MTHFD2L: variants seen among roughly 807,000 people sequenced by gnomAD.
The protein encoded by MTHFD2L is bifunctional methylenetetrahydrofolate dehydrogenase/cyclohydrolase 2, mitochondrial.
A neutral mutation model predicts 34.9 loss-of-function variants in MTHFD2L; 29 were observed. That is an observed-to-expected ratio of 0.83 (90% CI 0.62 to 1.13). The LOEUF (loss-of-function observed/expected upper bound fraction) is 1.13, where lower values mean the gene tolerates loss of function less well. MTHFD2L is among the 50% of genes most tolerant of loss of function. The pLI is 0.00. For missense variants in MTHFD2L, 481 were observed against 446.5 expected, an observed-to-expected ratio of 1.08 and a Z score of -0.70; for synonymous variants, 167 against 155.7, an observed-to-expected ratio of 1.07 and a Z score of -0.54.
At chr4:74,179,939 A>G (rs559864260) in intron 3 of MTHFD2L, among the ~76,000 whole-genome samples, 1 of 152,148 alleles carries the variant, frequency 6.6e-6, no homozygotes, top group African/African-American at 2.4e-5. Flanking sequence ...CCAGTCTTCA[A>G]AGTCGCCTTG....
intron 6 of MTHFD2L, among the ~76,000 whole-genome samples, chr4:74,271,959 G>A (rs1746052819): frequency 6.6e-6 from 1 of 152,034 alleles, no homozygotes. Context: ...AGGGTATTAT[G>A]TAAGTTCAGA....
chr4:74,267,514 G>A (rs778175622), intron 6 of MTHFD2L, among the ~76,000 whole-genome samples: 3 of 151,928 alleles, frequency 2.0e-5, no homozygotes, highest in Admixed American at 2.0e-4. Flanking sequence ...GCCCACCCGG[G>A]CTTAAGCAAT....
intron 1 of MTHFD2L, among the ~76,000 whole-genome samples, chr4:74,130,733 C>A (rs561519836): frequency 6.6e-6 from 1 of 152,206 alleles, no homozygotes; most frequent in East Asian, 1.9e-4. Context: ...GAAGTTCTGG[C>A]CAGGGCAATC....
chr4:74,172,226 A>T (rs947607370), intron 1 of MTHFD2L, among the ~76,000 whole-genome samples: 2 of 152,190 alleles, frequency 1.3e-5, no homozygotes, highest in African/African-American at 4.8e-5. Flanking sequence ...GCACCTGGAA[A>T]GTTTTGGGAA....
intron 7 of MTHFD2L, chr4:74,293,558 T>C: frequency 1.0e-6 from 1 of 977,600 alleles, no homozygotes. Flanking sequence ...AGCAACCAGA[T>C]GAATGTAAGA....
intron 2 of MTHFD2L, among the ~76,000 whole-genome samples, chr4:74,115,171 A>G (rs1481041118): frequency 2.0e-5 from 3 of 152,372 alleles, no homozygotes; most frequent in Middle Eastern, 3.4e-3. Context: ...TCAAATATCT[A>G]TCTGGTATAA....
chr4:74,204,388 C>A (rs981680110), intron 5 of MTHFD2L, among the ~76,000 whole-genome samples: 1 of 152,086 alleles, frequency 6.6e-6, no homozygotes, highest in African/African-American at 2.4e-5. Flanking sequence ...ACACTTAAGT[C>A]AATAATAATC....
At chr4:74,125,993 A>G (rs971876988) in intron 1 of MTHFD2L, among the ~76,000 whole-genome samples, 2 of 152,138 alleles carry the variant, frequency 1.3e-5, no homozygotes, top group Non-Finnish European at 2.9e-5. Context: ...CACCACTTCA[A>G]TGCTCACTGT....
intron 7 of MTHFD2L, among the ~76,000 whole-genome samples, chr4:74,285,053 A>C (rs1747987256): frequency 6.6e-6 from 1 of 152,114 alleles, no homozygotes; most frequent in Non-Finnish European, 1.5e-5. Context: ...ACATGGATGA[A>C]TCTGGAAACC....
chr4:74,148,249 G>A (rs1723715845), intron 1 of MTHFD2L, among the ~76,000 whole-genome samples: 1 of 151,936 alleles, frequency 6.6e-6, no homozygotes, highest in African/African-American at 2.4e-5. Context: ...TTTCTGATAA[G>A]TTTGAAATCA....
intron 1 of MTHFD2L, among the ~76,000 whole-genome samples, chr4:74,167,557 A>C (rs1386735375): frequency 1.3e-5 from 2 of 152,240 alleles, no homozygotes; most frequent in Non-Finnish European, 2.9e-5. Flanking sequence ...CTCACAGCAG[A>C]TTCCCAGGGT....
At chr4:74,114,744 C>G (rs1721629869) in intron 2 of MTHFD2L, 1 of 152,160 alleles carries the variant, frequency 6.6e-6, no homozygotes. Context: ...TATTAGCATA[C>G]AAATTAATGT....
At chr4:74,224,988 C>T (rs1252534193) in intron 5 of MTHFD2L, among the ~76,000 whole-genome samples, 1 of 152,016 alleles carries the variant, frequency 6.6e-6, no homozygotes, top group Non-Finnish European at 1.5e-5. Context: ...AATGAGTATC[C>T]TGTATACTAA....
chr4:74,248,353 T>A, intron 6 of MTHFD2L, among the ~76,000 whole-genome samples: 1 of 152,252 alleles, frequency 6.6e-6, no homozygotes, highest in Non-Finnish European at 1.5e-5. Context: ...TTATTGCGTC[T>A]ATTTGATTCT....
At chr4:74,206,162 A>G (rs1348754519) in intron 5 of MTHFD2L, among the ~76,000 whole-genome samples, 1 of 151,580 alleles carries the variant, frequency 6.6e-6, no homozygotes, top group Non-Finnish European at 1.5e-5. Context: ...AAGCAGCCAG[A>G]TTTCTATCCA....
At chr4:74,119,172 G>C (rs1030648391), upstream of MTHFD2L, among the ~76,000 whole-genome samples, 1 of 152,162 alleles carries the variant, frequency 6.6e-6, no homozygotes, top group Non-Finnish European at 1.5e-5. Context: ...AGCTGCATCT[G>C]GTTGCTGGCT....
At chr4:74,139,594 C>T (rs2109830152) in intron 1 of MTHFD2L, among the ~76,000 whole-genome samples, 1 of 152,248 alleles carries the variant, frequency 6.6e-6, no homozygotes, top group Non-Finnish European at 1.5e-5. Context: ...AACTTGGTTC[C>T]AGGCAGACTG....
intron 3 of MTHFD2L, among the ~76,000 whole-genome samples, chr4:74,185,178 A>AAAAAAAC (rs1166900290): frequency 6.8e-6 from 1 of 146,094 alleles, no homozygotes; most frequent in Non-Finnish European, 1.5e-5. Flanking sequence ...AAAAAAAAAA[A>AAAAAAAC]ATCTGGAAAA....
chr4:74,234,980 A>G (rs1246246879), intron 6 of MTHFD2L, among the ~76,000 whole-genome samples: 24 of 152,228 alleles, frequency 1.6e-4, no homozygotes, highest in Admixed American at 5.2e-4. Context: ...GGCAGAATAA[A>G]AGGCAATGAG....
Sources: gnomAD v4.1 joint callset for allele counts (sites outside exome capture counted in the v4.1 genomes callset) on GRCh38, gnomAD v4.1.1 for gene constraint, MANE v1.5 for transcripts, NCBI Gene and HGNC (gene_info 2026-07-23, HGNC 2026-07-21) for gene names.